GOLGB1: variants seen among roughly 807,000 people sequenced by gnomAD.
GOLGB1 encodes the protein golgin B1.
Under a neutral mutation model 336.9 loss-of-function variants are expected in GOLGB1, and 174 were observed. The ratio of observed to expected loss-of-function variants is 0.52; its 90% confidence interval spans 0.46 to 0.59. The LOEUF (loss-of-function observed/expected upper bound fraction) is 0.59, where lower values mean the gene tolerates loss of function less well. Among genes scored for constraint, GOLGB1 ranks in the 20% least tolerant of loss-of-function variants. The pLI is 0.00. For missense variants in GOLGB1, 3,331 were observed against 3,645.3 expected (o/e 0.91, Z 2.22); for synonymous variants, 1,208 against 1,289.2 (o/e 0.94, Z 1.35).
chr3:121,690,122 A>G (rs1942273438), intron 14 of GOLGB1, among the ~76,000 whole-genome samples: 1 of 152,238 alleles, frequency 6.6e-6, no homozygotes, highest in Non-Finnish European at 1.5e-5. Flanking sequence ...AAACTTTACT[A>G]AAAAGTCATT....
At chr3:121,676,207 C>T (rs767585434) in intron 17 of GOLGB1, among the ~76,000 whole-genome samples, 8 of 152,202 alleles carry the variant, frequency 5.3e-5, no homozygotes, top group African/African-American at 1.2e-4. Flanking sequence ...TGCATGATCA[C>T]GTTTATTTCA....
chr3:121,697,842 A>G lies in GOLGB1; in HGVS notation c.2681T>C (p.Val894Ala). The G allele has an allele frequency of 6.2e-7, 1 of 1,614,074 alleles. No homozygotes were observed. Among genetic ancestry groups the G allele is most frequent in the Non-Finnish European group, 8.5e-7 (1 of 1,179,958 alleles). The change falls in exon 13 of 22, where the codon GTG becomes GCG. Residue 894 changes from valine (V) to alanine (A), a missense_variant. Transcript: ENST00000614479. The stretch of plus-strand genomic sequence containing the variant: ...CTCGATGGTTTGTTGGAGGGTTTCC[A>G]CATCTCTCTTTTTCTCTAGTAAGAG... ...DQLLLEKKRD[V>A]ETLQQTIEEK...
chr3:121,670,424 A>C (rs1457887749), intron 17 of GOLGB1, among the ~76,000 whole-genome samples: 1 of 152,244 alleles, frequency 6.6e-6, no homozygotes, highest in Non-Finnish European at 1.5e-5. Flanking sequence ...GAGGAAGGGC[A>C]TTTGATGCAA....
At chr3:121,732,930 C>T (rs1946213163) in intron 1 of GOLGB1, among the ~76,000 whole-genome samples, 1 of 152,136 alleles carries the variant, frequency 6.6e-6, no homozygotes, top group African/African-American at 2.4e-5. Context: ...ATAAAACTGT[C>T]TCAACTAGCA....
At chr3:121,748,164 C>T (rs1028621749) in intron 1 of GOLGB1, among the ~76,000 whole-genome samples, 2 of 152,034 alleles carry the variant, frequency 1.3e-5, no homozygotes, top group Admixed American at 6.5e-5. Flanking sequence ...GCCAGAAATG[C>T]CAACGACCTT....
intron 17 of GOLGB1, among the ~76,000 whole-genome samples, chr3:121,672,417 TTGTA>T (rs1939673218): frequency 1.3e-5 from 2 of 152,214 alleles, no homozygotes; most frequent in Non-Finnish European, 1.5e-5. Context: ...TGTTGGCCAT[TTGTA>T]TGTCTTCTTT....
chr3:121,691,103 T>C lies in GOLGB1; in HGVS notation c.8261A>G (p.His2754Arg), dbSNP rs751905403. 12 of 1,614,082 alleles carry C rather than the reference T, an allele frequency of 7.4e-6. No individual in the cohort carries two copies. The highest frequency in any genetic ancestry group is 1.0e-5 in the Non-Finnish European group (12 of 1,180,002). ...SMSSLQNSRD[H>R]ANEELDELKR... ...CAGTTCATCAAGTTCCTCATTGGCA[T>C]GATCTCTACTATTTTGCAAGGAACT... Residue 2754 changes from histidine to arginine, a missense_variant, in exon 14 of 22, where the codon CAT becomes CGT. Transcript: ENST00000614479.
chr3:121,737,581 G>A (rs767403793), intron 1 of GOLGB1, among the ~76,000 whole-genome samples: 5 of 151,740 alleles, frequency 3.3e-5, no homozygotes, highest in Non-Finnish European at 7.4e-5. Context: ...AACCTGAGAG[G>A]TGGAGGTTGC....
intron 1 of GOLGB1, among the ~76,000 whole-genome samples, chr3:121,747,940 T>C (rs1423628140): frequency 3.9e-5 from 6 of 152,120 alleles, no homozygotes; most frequent in Non-Finnish European, 5.9e-5. Context: ...AACCACAGAC[T>C]GGTATGTAAT....
Position 121,664,345 on chromosome 3 carries a change from G to T in GOLGB1, c.*135C>A. The T allele has an allele frequency of 1.3e-6, 1 of 798,456 alleles. No homozygotes were observed. The highest frequency in any genetic ancestry group is 2.1e-6 in the Non-Finnish European group (1 of 475,918). The allele number at this position is 798,456 out of a possible 1,614,324, so 49.5% of individuals were successfully genotyped here. A position where few individuals can be genotyped will look rare whatever the true frequency, so the allele number is the denominator to read the frequency against. ...TGTCCTCGTATCCACCTCTGTTTTT[G>T]CAGGCACTTTCCGTGAAGAGTTGGA... On this transcript the variant is annotated 3_prime_UTR_variant, in exon 22 of 22. Coordinates refer to ENST00000614479, the MANE Select transcript of GOLGB1 (RefSeq NM_001366282.2).
In GOLGB1 at chr3:121,716,898, T is replaced by C. The variant is rs142966732; in HGVS notation, c.1127A>G (p.Lys376Arg). 6 of 1,614,122 alleles carry C rather than the reference T, an allele frequency of 3.7e-6. No individual in the cohort carries two copies. Among genetic ancestry groups the C allele is most frequent in the Non-Finnish European group, 5.1e-6 (6 of 1,179,966 alleles). Residue 376 changes from lysine (K) to arginine (R), a missense_variant, in exon 9 of 22, where the codon AAA becomes AGA. By Grantham distance (26) the Lys-to-Arg change is conservative. Coordinates refer to ENST00000614479, the MANE Select transcript of GOLGB1 (RefSeq NM_001366282.2). ...AGAGGTCTTCTCTTCCATTTCTGCTTTGTGCTTCTGCTCCAAAGCACTATA... is the reference window on the plus strand; with the variant it reads ...AGAGGTCTTCTCTTCCATTTCTGCTCTGTGCTTCTGCTCCAAAGCACTATA... ...SRYSALEQKH[K>R]AEMEEKTSHI...
chr3:121,668,192 G>A, intron 18 of GOLGB1, 34 bp from the exon 19 acceptor site: 3 of 1,250,434 alleles, frequency 2.4e-6, no homozygotes, highest in Non-Finnish European at 3.5e-6. Context: ...ATTCAGTGAT[G>A]AAAGCTCTTA....
intron 16 of GOLGB1, 123 bp from the exon 17 acceptor site, chr3:121,677,153 C>CCACTATTA: frequency 8.0e-7 from 1 of 1,257,742 alleles, no homozygotes. Context: ...TTAATAGTGG[C>CCACTATTA]AGATGGGCAC....
chr3:121,714,724 C>T, intron 10 of GOLGB1, 137 bp downstream of exon 10: 1 of 645,906 alleles, frequency 1.5e-6, no homozygotes, highest in African/African-American at 1.9e-5. Context: ...TAGAATTGTC[C>T]TCAAAAAAGT....
chr3:121,672,014 T>C (rs1203089113), intron 17 of GOLGB1, among the ~76,000 whole-genome samples: 1 of 152,254 alleles, frequency 6.6e-6, no homozygotes, highest in African/African-American at 2.4e-5. Context: ...CTTGTGTACA[T>C]ATACCACATT....
chr3:121,667,692 G>A, intron 19 of GOLGB1, 82 bp from the exon 20 acceptor site: 1 of 1,260,730 alleles, frequency 7.9e-7, no homozygotes, highest in Non-Finnish European at 1.1e-6. Flanking sequence ...TCTTCATAAG[G>A]TTGTAAAGCA....
intron 10 of GOLGB1, among the ~76,000 whole-genome samples, chr3:121,707,776 T>C (rs1163831668): frequency 6.6e-6 from 1 of 152,186 alleles, no homozygotes; most frequent in Non-Finnish European, 1.5e-5. Flanking sequence ...ACCATTTGTT[T>C]ACCTTGGCTC....
intron 14 of GOLGB1, among the ~76,000 whole-genome samples, chr3:121,688,075 C>T (rs1040077499): frequency 2.6e-5 from 4 of 152,082 alleles, no homozygotes; most frequent in Non-Finnish European, 5.9e-5. Context: ...ATACAATTAC[C>T]TACAATAAAA....
chr3:121,704,530 CAGT>C (rs1452714778), intron 10 of GOLGB1, among the ~76,000 whole-genome samples: 1 of 152,106 alleles, frequency 6.6e-6, no homozygotes, highest in Non-Finnish European at 1.5e-5. Flanking sequence ...ATAATCCCAG[CAGT>C]TTGGGAGGGC....
Sources: gnomAD v4.1 joint callset for allele counts (sites outside exome capture counted in the v4.1 genomes callset) on GRCh38, gnomAD v4.1.1 for gene constraint, MANE v1.5 for transcripts, NCBI Gene and HGNC (gene_info 2026-07-23, HGNC 2026-07-21) for gene names.